Variants in NLRP11 observed in about 807,000 individuals in gnomAD.
NLRP11 encodes the protein NACHT, LRR and PYD domains-containing protein 11.
Under a neutral mutation model 79.3 loss-of-function variants are expected in NLRP11, and 53 were observed. That is an observed-to-expected ratio of 0.67 (90% CI 0.54 to 0.84). The LOEUF is 0.84. Ranked by LOEUF, NLRP11 falls within the 40% of genes least tolerant of loss-of-function variation. The pLI is 0.00. For missense variants in NLRP11, 1,264 were observed against 1,255.0 expected (o/e 1.01, Z -0.11); for synonymous variants, 518 against 462.6 (o/e 1.12, Z -1.54).
intron 1 of NLRP11, among the ~76,000 whole-genome samples, chr19:55,821,205 TCACACACACACACACA>T (rs950312294): frequency 2.3e-5 from 2 of 85,242 alleles, no homozygotes; most frequent in Non-Finnish European, 2.2e-5. Context: ...TCTCTCTCTC[TCACACACACACACACA>T]CACACACACA....
chr19:55,789,144 T>C (rs960327634), intron 8 of NLRP11, 85 bp downstream of exon 8: 46 of 1,431,696 alleles, frequency 3.2e-5, no homozygotes, highest in African/African-American at 4.3e-5. Context: ...GTCCGAGGTA[T>C]TGTATTTCCC....
chr19:55,801,874 T>C, intron 4 of NLRP11, 135 bp from the exon 5 acceptor site: 1 of 717,998 alleles, frequency 1.4e-6, no homozygotes, highest in Non-Finnish European at 2.3e-6. Flanking sequence ...CTCTCGATCT[T>C]AAATTTCTAG....
At chr19:55,786,637 C>T (rs59763503) in intron 9 of NLRP11, among the ~76,000 whole-genome samples, 12,189 of 152,220 alleles carry the variant, frequency 0.08, 1,492 homozygotes, top group African/African-American at 0.27. Context: ...TGTGCCCTCT[C>T]TGCATGTGAG....
At chr19:55,821,617 A>C (rs1981745949) in intron 1 of NLRP11, among the ~76,000 whole-genome samples, 1 of 152,000 alleles carries the variant, frequency 6.6e-6, no homozygotes, top group Admixed American at 6.6e-5. Context: ...CAAACCCATT[A>C]ACATTGTTAG....
rs1006769853 is a variant in NLRP11 at position 55,813,774 on chromosome 19, C to T, written c.272-3436G>A. Among the ~76,000 whole-genome samples the T allele has an allele frequency of 6.6e-5, 10 of 152,160 alleles. No individual in the cohort carries two copies. In the East Asian group the frequency reaches 1.9e-3, roughly 29 times the overall value. ...AGGAGGGGAAAGACATTGCAATGTC[C>T]ATGGAAGTGAGAAACTCACTGAGTG... On this transcript the variant is annotated intron_variant, in intron 2 of 9. Coordinates refer to ENST00000589093, the Ensembl canonical transcript of NLRP11.
chr19:55,819,030 A>T (rs1490431022), intron 1 of NLRP11, among the ~76,000 whole-genome samples: 1 of 151,894 alleles, frequency 6.6e-6, no homozygotes, highest in East Asian at 1.9e-4. Context: ...AGCAATAGGT[A>T]AGTCCCCAGG....
At chr19:55,822,204 C>T (rs1012417621) in intron 1 of NLRP11, among the ~76,000 whole-genome samples, 2 of 152,176 alleles carry the variant, frequency 1.3e-5, no homozygotes, top group Non-Finnish European at 2.9e-5. Flanking sequence ...GCAGAGATTG[C>T]TGTGAGCTGA....
chr19:55,792,479 C>T lies in NLRP11; in HGVS notation c.2343-8G>A, dbSNP rs1227744573. 1 of 1,613,136 alleles carries T rather than the reference C, an allele frequency of 6.2e-7. No homozygotes were observed. Among genetic ancestry groups the T allele is most frequent in the Non-Finnish European group, 8.5e-7 (1 of 1,179,248 alleles). ...AGACAGCAGAAGACTAACCTGCACA[C>T]AGAGAAGAGTGAGTCAGTGACAGTG... On this transcript the variant is annotated splice_region_variant and splice_polypyrimidine_tract_variant and intron_variant, in intron 6 of 9. Coordinates refer to ENST00000589093, the Ensembl canonical transcript of NLRP11.
chr19:55,801,693 C>T, exon 5 of NLRP11: 2 of 1,614,120 alleles, frequency 1.2e-6, no homozygotes, highest in Non-Finnish European at 1.7e-6. Flanking sequence ...CGAGCCAAAG[C>T]CTTGAGTAAG....
chr19:55,792,581 C>T, intron 6 of NLRP11, 110 bp from the exon 7 acceptor site: 1 of 725,214 alleles, frequency 1.4e-6, no homozygotes, highest in East Asian at 2.5e-5. Context: ...ACTGCCATTG[C>T]CCCAAATCTC....
intron 6 of NLRP11, among the ~76,000 whole-genome samples, chr19:55,792,787 T>C (rs1243606635): frequency 6.6e-6 from 1 of 152,236 alleles, no homozygotes; most frequent in African/African-American, 2.4e-5. Context: ...TTGGCTAAAT[T>C]GAATCCTAGG....
At chr19:55,818,220 C>A (rs1193371581) in exon 2 of NLRP11, 7 of 1,516,352 alleles carry the variant, frequency 4.6e-6, no homozygotes, top group Admixed American at 1.8e-5. Flanking sequence ...GATTTTGAGG[C>A]ACAAGAAATA....
At chr19:55,792,533 C>A in intron 6 of NLRP11, 62 bp from the exon 7 acceptor site, 1 of 1,354,756 alleles carries the variant, frequency 7.4e-7, no homozygotes, top group East Asian at 2.3e-5. Flanking sequence ...GCACCTGAGA[C>A]CACCCACCCC....
intron 7 of NLRP11, among the ~76,000 whole-genome samples, chr19:55,791,872 C>T: frequency 1.3e-5 from 2 of 152,270 alleles, no homozygotes; most frequent in East Asian, 3.9e-4. Context: ...ATGGCCACCT[C>T]CCCCAATGCA....
At position 55,794,014 on chromosome 19, in the gene NLRP11, T is replaced by G. The variant is rs146752487; in HGVS notation, c.2343-1543A>C. The stretch of plus-strand genomic sequence containing the variant: ...TCAGACTACTGTGATTTCTTTCACG[T>G]TCTTAGGCTTAGAAATTCCTTGCCT... On this transcript the variant is annotated intron_variant, in intron 6 of 9. Coordinates refer to ENST00000589093, the Ensembl canonical transcript of NLRP11. Among the ~76,000 whole-genome samples, 269 of 152,310 alleles carry G rather than the reference T, an allele frequency of 1.8e-3. 4 individuals carry two copies. The East Asian group carries it at 0.039, about 22-fold the overall frequency.
At chr19:55,786,188 CTT>C (rs1368143259) in intron 9 of NLRP11, among the ~76,000 whole-genome samples, 3 of 152,202 alleles carry the variant, frequency 2.0e-5, no homozygotes, top group African/African-American at 7.2e-5. Context: ...GCATTCAAGA[CTT>C]TATAGGTTCC....
At position 55,818,395 on chromosome 19, in the gene NLRP11, C is replaced by A. The variant is rs182547337; in HGVS notation, c.-62-159G>T. ...TTTCTGTCTGGGTCAATGGCCTTGT[C>A]GACTGATCTTGGCAAATTTCTAGGT... On this transcript the variant is annotated intron_variant, in intron 1 of 9. Coordinates refer to ENST00000589093, the Ensembl canonical transcript of NLRP11. Among the ~76,000 whole-genome samples, 3 of 152,228 alleles carry A rather than the reference C, an allele frequency of 2.0e-5. No homozygotes were observed. The East Asian group carries it at 5.8e-4, about 29-fold the overall frequency.
At chr19:55,805,538 GTTT>G (rs72058432) in intron 4 of NLRP11, among the ~76,000 whole-genome samples, 4 of 147,260 alleles carry the variant, frequency 2.7e-5, no homozygotes, top group Admixed American at 6.7e-5. Flanking sequence ...TTAAGGTTTT[GTTT>G]TTTTTTTTAA....
upstream of NLRP11, among the ~76,000 whole-genome samples, chr19:55,834,932 A>G (rs1276796218): frequency 6.6e-6 from 1 of 152,216 alleles, no homozygotes; most frequent in Non-Finnish European, 1.5e-5. Flanking sequence ...AGGAAAAATA[A>G]AAAGAAAATC....
Sources: gnomAD v4.1 joint callset for allele counts (sites outside exome capture counted in the v4.1 genomes callset) on GRCh38, gnomAD v4.1.1 for gene constraint, MANE v1.5 for transcripts, NCBI Gene and HGNC (gene_info 2026-07-23, HGNC 2026-07-21) for gene names.